The following PTPRE variants were observed in gnomAD, a reference collection of about 807,000 sequenced individuals.
The protein encoded by PTPRE is protein tyrosine phosphatase receptor type E.
A neutral mutation model predicts 102.0 loss-of-function variants in PTPRE; 51 were observed. That is an observed-to-expected ratio of 0.50 (90% CI 0.40 to 0.63). PTPRE has a LOEUF of 0.63. PTPRE is among the 30% of genes least tolerant of loss of function. The probability of loss-of-function intolerance (pLI) is 0.00; values close to 1 mark genes in which losing one functional copy is unlikely to be tolerated. For missense variants in PTPRE, 752 were observed against 915.1 expected, an observed-to-expected ratio of 0.82 and a Z score of 2.30; for synonymous variants, 345 against 348.2, an observed-to-expected ratio of 0.99 and a Z score of 0.10.
chr10:127,994,875 G>T (rs544873160), intron 2 of PTPRE, among the ~76,000 whole-genome samples: 1 of 152,166 alleles, frequency 6.6e-6, no homozygotes, highest in Non-Finnish European at 1.5e-5. Flanking sequence ...TCTGATAGCA[G>T]TTCTCTCCCC....
chr10:128,031,092 A>C (rs950558542), intron 2 of PTPRE, among the ~76,000 whole-genome samples: 2 of 152,240 alleles, frequency 1.3e-5, no homozygotes, highest in African/African-American at 2.4e-5. Flanking sequence ...GTCAACTCTT[A>C]GTAACCAATG....
At chr10:127,939,395 A>G (rs1488074043) in intron 1 of PTPRE, among the ~76,000 whole-genome samples, 1 of 152,194 alleles carries the variant, frequency 6.6e-6, no homozygotes, top group African/African-American at 2.4e-5. Context: ...TGGAAGATGA[A>G]TGAAGTATGT....
chr10:128,034,870 A>T (rs1342607154), intron 2 of PTPRE, among the ~76,000 whole-genome samples: 1 of 152,252 alleles, frequency 6.6e-6, no homozygotes, highest in African/African-American at 2.4e-5. Flanking sequence ...AGGAACAGAT[A>T]AGGCTAAGAA....
chr10:128,043,683 ATG>A (rs762053874), intron 3 of PTPRE, among the ~76,000 whole-genome samples: 4 of 152,118 alleles, frequency 2.6e-5, no homozygotes, highest in African/African-American at 4.8e-5. Flanking sequence ...AAAGATATAT[ATG>A]TGTGTGTGTG....
chr10:127,980,031 G>A (rs1462379391), intron 1 of PTPRE, among the ~76,000 whole-genome samples: 1 of 152,036 alleles, frequency 6.6e-6, no homozygotes, highest in African/African-American at 2.4e-5. Context: ...CATCTTTTCT[G>A]GTTCATTTTG....
At chr10:128,002,561 C>T (rs1286608912) in intron 2 of PTPRE, among the ~76,000 whole-genome samples, 1 of 152,136 alleles carries the variant, frequency 6.6e-6, no homozygotes. Flanking sequence ...GGGCCTGCTC[C>T]TGGCTGCTGG....
At chr10:128,049,437 A>C in intron 5 of PTPRE, 93 bp from the exon 6 acceptor site, 1 of 1,480,260 alleles carries the variant, frequency 6.8e-7, no homozygotes, top group Non-Finnish European at 9.2e-7. Context: ...CAGCCTGGTC[A>C]TTTCTTCAGG....
chr10:128,022,050 G>T (rs1015484024), intron 2 of PTPRE, among the ~76,000 whole-genome samples: 1 of 152,184 alleles, frequency 6.6e-6, no homozygotes, highest in Non-Finnish European at 1.5e-5. Context: ...TTTATTCATG[G>T]ATCCTGTTTG....
chr10:128,018,608 G>T (rs1411628809), intron 2 of PTPRE, among the ~76,000 whole-genome samples: 1 of 152,144 alleles, frequency 6.6e-6, no homozygotes, highest in Non-Finnish European at 1.5e-5. Flanking sequence ...AGAGAAACTC[G>T]GAGGGAGGAG....
chr10:128,017,259 G>A (rs1845509116), intron 2 of PTPRE, among the ~76,000 whole-genome samples: 1 of 152,130 alleles, frequency 6.6e-6, no homozygotes. Flanking sequence ...AGAGTTTGGC[G>A]GGGCAAGTGG....
Position 127,982,585 on chromosome 10 carries a change from T to C in PTPRE, c.-8+289T>C, listed in dbSNP as rs1288564686. Among the ~76,000 whole-genome samples the C allele has an allele frequency of 6.6e-5, 10 of 152,134 alleles. No individual in the cohort carries two copies. The South Asian group carries it at 2.1e-3, about 32-fold the overall frequency. ...AATGTATTGTTGAGGACACAATTTC[T>C]ACATGCTTTCCTTTCACTGACGTGT... On this transcript the variant is annotated intron_variant, in intron 2 of 20. Coordinates refer to ENST00000254667, the MANE Select transcript of PTPRE (RefSeq NM_006504.6).
At position 128,040,871 on chromosome 10, in the gene PTPRE, G is replaced by A. The variant is rs777599354; in HGVS notation, c.-7-4G>A. The A allele has an allele frequency of 1.9e-6, 3 of 1,613,044 alleles. No individual in the cohort carries two copies. The highest frequency in any genetic ancestry group is 1.1e-5 in the South Asian group (1 of 90,958). On this transcript the variant is annotated splice_region_variant and splice_polypyrimidine_tract_variant and intron_variant, in intron 2 of 20. Coordinates refer to ENST00000254667, the MANE Select transcript of PTPRE (RefSeq NM_006504.6). ...CCTCTGAGCCTGTCCCTGCCTCTCT[G>A]CAGGTCCACCATGGAGCCCTTGTGT... is the stretch of plus-strand genomic sequence containing the variant.
chr10:128,041,089 G>T, intron 3 of PTPRE, 99 bp downstream of exon 3: 1 of 1,004,618 alleles, frequency 1.0e-6, no homozygotes, highest in South Asian at 1.4e-5. Context: ...AGAGAAGAAT[G>T]GTGTGGCTGA....
rs202094326 is a variant in PTPRE at position 128,066,069 on chromosome 10, G to T, written c.724-6G>T. 2.5e-6 allele frequency: 4 copies of T among 1,614,160 alleles called. No individual in the cohort carries two copies. The highest frequency in any genetic ancestry group is 3.3e-5 in the Admixed American group (2 of 60,022). On this transcript the variant is annotated splice_region_variant and splice_polypyrimidine_tract_variant and intron_variant, in intron 10 of 20. Transcript: ENST00000254667. ...CTATTTGCTTCTATTAAATTGTTCC[G>T]TGCAGGAAAAGTGCCATCAGTACTG...
intron 2 of PTPRE, among the ~76,000 whole-genome samples, chr10:128,018,337 C>T (rs1845600583): frequency 6.6e-6 from 1 of 152,194 alleles, no homozygotes; most frequent in South Asian, 2.1e-4. Context: ...TCACAGGCAC[C>T]AGACCCCCAG....
chr10:128,046,826 A>G (rs1387690237), intron 3 of PTPRE, among the ~76,000 whole-genome samples: 2 of 152,178 alleles, frequency 1.3e-5, no homozygotes, highest in Middle Eastern at 3.2e-3. Flanking sequence ...TCAGGTACAA[A>G]GGACACAGTA....
Position 128,083,368 on chromosome 10 carries a change from T to C in PTPRE, c.*462T>C, listed in dbSNP as rs1432181542. ...TTTTTGGAAGGCAAACTGTTCGTGA[T>C]GGTACAATGTAAATGGGGACTTCTG... is the stretch of plus-strand genomic sequence containing the variant. On this transcript the variant is annotated 3_prime_UTR_variant, in exon 21 of 21. Transcript: ENST00000254667. 1 of 152,952 alleles carries C rather than the reference T, an allele frequency of 6.5e-6. No individual in the cohort carries two copies. The highest frequency in any genetic ancestry group is 2.4e-5 in the African/African-American group (1 of 41,454). The allele number at this position is 152,952 out of a possible 1,614,324, so 9.5% of individuals were successfully genotyped here.
At chr10:127,920,923 G>A (rs540181434) in intron 1 of PTPRE, among the ~76,000 whole-genome samples, 19 of 152,256 alleles carry the variant, frequency 1.2e-4, no homozygotes, top group African/African-American at 4.3e-4. Context: ...AGGAGAGGGC[G>A]TTTCCCTACA....
Position 128,068,134 on chromosome 10 carries a change from C to T in PTPRE, c.855C>T (p.Asp285=), listed in dbSNP as rs201293516. Residue 285 remains aspartate, a synonymous_variant, in exon 12 of 21, where the codon GAC becomes GAT. Transcript: ENST00000254667. ...RKFCIQPQLP[D]GCKAPRLVSQ... ...CGCGTCCCCCGCAGCAGCTCCCCGA[C>T]GGCTGCAAAGCCCCCAGGCTGGTCT... The T allele has an allele frequency of 3.0e-5, 48 of 1,612,548 alleles. 1 individual carries two copies. In the East Asian group the frequency reaches 6.7e-4, roughly 22 times the overall value.
Sources: allele counts gnomAD v4.1 joint callset (sites outside exome capture counted in the v4.1 genomes callset), GRCh38; gene constraint gnomAD v4.1.1; transcripts MANE v1.5; gene names NCBI Gene and HGNC (gene_info 2026-07-23, HGNC 2026-07-21).